Variants in MTCL1 observed in about 807,000 individuals in gnomAD.
MTCL1 encodes microtubule cross-linking factor 1.
In MTCL1, 79 loss-of-function variants were observed where a neutral mutation model predicts 141.4. That is an observed-to-expected ratio of 0.56 (90% CI 0.47 to 0.67). The LOEUF (loss-of-function observed/expected upper bound fraction) is 0.67, where lower values mean the gene tolerates loss of function less well. Ranked by LOEUF, MTCL1 falls within the 30% of genes least tolerant of loss-of-function variation. The pLI is 0.00. For missense variants in MTCL1, 2,177 were observed against 2,113.9 expected (o/e 1.03, Z -0.59); for synonymous variants, 914 against 875.8 (o/e 1.04, Z -0.77).
intron 10 of MTCL1, among the ~76,000 whole-genome samples, chr18:8,805,969 A>C (rs2076284111): frequency 6.6e-6 from 1 of 152,308 alleles, no homozygotes; most frequent in South Asian, 2.1e-4. Context: ...ATTTGACTTC[A>C]AAGGGCTGGG....
chr18:8,806,306 TA>T (rs2076294575), intron 10 of MTCL1, among the ~76,000 whole-genome samples: 1 of 152,198 alleles, frequency 6.6e-6, no homozygotes, highest in Admixed American at 6.5e-5. Flanking sequence ...GACCTTTTAG[TA>T]ACCACCAATC....
intron 11 of MTCL1, among the ~76,000 whole-genome samples, chr18:8,807,495 C>T (rs886954694): frequency 1.3e-5 from 2 of 152,166 alleles, no homozygotes; most frequent in Admixed American, 1.3e-4. Context: ...GGAGACCTCC[C>T]ACTGCATGCC....
At chr18:8,761,000 G>T (rs557047526) in intron 4 of MTCL1, among the ~76,000 whole-genome samples, 1 of 152,182 alleles carries the variant, frequency 6.6e-6, no homozygotes, top group Non-Finnish European at 1.5e-5. Context: ...AATTTTAAAT[G>T]TGTGTCACCA....
intron 13 of MTCL1, 70 bp downstream of exon 12, chr18:8,819,329 A>T (rs1430750542): frequency 6.6e-7 from 1 of 1,521,580 alleles, no homozygotes; most frequent in Non-Finnish European, 8.9e-7. Flanking sequence ...CCTAAGAGGC[A>T]TCTGCCAGAT....
chr18:8,726,099 G>A (rs935408005), intron 4 of MTCL1, among the ~76,000 whole-genome samples: 33 of 136,454 alleles, frequency 2.4e-4, no homozygotes, highest in African/African-American at 5.7e-4. Context: ...TCTTGATACC[G>A]TATTTTTAAG....
At chr18:8,762,638 G>A (rs1178089037) in intron 4 of MTCL1, among the ~76,000 whole-genome samples, 1 of 152,254 alleles carries the variant, frequency 6.6e-6, no homozygotes, top group Non-Finnish European at 1.5e-5. Flanking sequence ...TTCCACCCTT[G>A]AGGACAGAGC....
In MTCL1 at chr18:8,788,936, C is replaced by T. The variant is rs181849069; in HGVS notation, c.1887+2845C>T. Among the ~76,000 whole-genome samples, 27 of 152,352 alleles carry T rather than the reference C, an allele frequency of 1.8e-4. No individual in the cohort carries two copies. The East Asian group carries it at 3.5e-3, about 20-fold the overall frequency. ...TGCACTGGACTCTTCCCTGACTTCA[C>T]TCCCTGGGGTTCCCATCAAATGTGA... On this transcript the variant is annotated intron_variant, in intron 7 of 16. Coordinates refer to ENST00000359865, the Ensembl canonical transcript of MTCL1.
intron 11 of MTCL1, chr18:8,809,374 A>T: frequency 1.3e-6 from 2 of 1,503,844 alleles, no homozygotes; most frequent in Non-Finnish European, 1.8e-6. Flanking sequence ...AACAGAAATC[A>T]CGGATCTTTT....
chr18:8,769,723 A>C (rs1485090161), intron 4 of MTCL1, among the ~76,000 whole-genome samples: 1 of 152,106 alleles, frequency 6.6e-6, no homozygotes, highest in African/African-American at 2.4e-5. Flanking sequence ...AAACTCTTTG[A>C]CTTGGATGCT....
In MTCL1 at chr18:8,722,760, C is replaced by G. The variant is rs57761905; in HGVS notation, c.357+2264C>G. Among the ~76,000 whole-genome samples the G allele has an allele frequency of 8.6e-3, 1,305 of 151,856 alleles. 24 individuals carry two copies. Among genetic ancestry groups the G allele is most frequent in the African/African-American group, 0.03 (1,252 of 41,386 alleles). Reference sequence around the variant, plus strand: ...TGAGTATAAGTGGACTTTCACAGTTCAAAAGTATGTTGTTCAAGAGTCAAC... The same window carrying G: ...TGAGTATAAGTGGACTTTCACAGTTGAAAAGTATGTTGTTCAAGAGTCAAC... On this transcript the variant is annotated intron_variant, in intron 4 of 16. Coordinates refer to ENST00000359865, the Ensembl canonical transcript of MTCL1.
chr18:8,784,502 C>A, exon 6 of MTCL1: 2 of 1,593,016 alleles, frequency 1.3e-6, no homozygotes, highest in Non-Finnish European at 1.7e-6. Context: ...GGCCCAGCGG[C>A]TAGAGCGGAC....
At chr18:8,731,043 A>G (rs1219668455) in intron 4 of MTCL1, among the ~76,000 whole-genome samples, 1 of 152,082 alleles carries the variant, frequency 6.6e-6, no homozygotes, top group Non-Finnish European at 1.5e-5. Flanking sequence ...CAGGAGATCA[A>G]GACCATCCTG....
intron 4 of MTCL1, among the ~76,000 whole-genome samples, chr18:8,760,200 C>T (rs528733740): frequency 6.6e-6 from 1 of 152,266 alleles, no homozygotes; most frequent in East Asian, 1.9e-4. Flanking sequence ...CTTGTAAGTC[C>T]CTTCTCCGAG....
At position 8,828,877 on chromosome 18, in the gene MTCL1, T is replaced by C. The variant is rs1568119812; in HGVS notation, c.4723-31T>C. ...AAAAACACTTTCCAACCTTCTTGCTTTTCTTTTCTTTCTCTGTCTGTTCTG... is the reference window on the plus strand; with the variant it reads ...AAAAACACTTTCCAACCTTCTTGCTCTTCTTTTCTTTCTCTGTCTGTTCTG... On this transcript the variant is annotated intron_variant, in intron 15 of 16. Transcript: ENST00000359865. The surrounding 1 kb of genome is among the most constrained non-coding windows in gnomAD (Gnocchi z 5.2). 2.5e-6 allele frequency: 4 copies of C among 1,600,682 alleles called. No homozygotes were observed. The highest frequency in any genetic ancestry group is 3.4e-6 in the Non-Finnish European group (4 of 1,179,624).
At chr18:8,825,517 G>A in exon 15 of MTCL1, 1 of 1,612,258 alleles carries the variant, frequency 6.2e-7, no homozygotes, top group Non-Finnish European at 8.5e-7. Context: ...GCCCTGCGTG[G>A]CAGCGGTGTC....
At chr18:8,793,630 G>C (rs968444652) in intron 8 of MTCL1, among the ~76,000 whole-genome samples, 1 of 152,172 alleles carries the variant, frequency 6.6e-6, no homozygotes. Flanking sequence ...GTTCCGAGTA[G>C]AAGGGATTTG....
intron 4 of MTCL1, among the ~76,000 whole-genome samples, chr18:8,764,253 C>A (rs1022761364): frequency 5.9e-5 from 9 of 151,480 alleles, no homozygotes; most frequent in Admixed American, 5.3e-4. Flanking sequence ...ATGGTTATCA[C>A]TTGTTAAGCA....
Position 8,785,940 on chromosome 18 carries a change from G to A in MTCL1, c.1736G>A (p.Arg579Lys), listed in dbSNP as rs1271142796. The A allele has an allele frequency of 3.7e-6, 6 of 1,600,172 alleles. No homozygotes were observed. In the East Asian group the frequency reaches 6.7e-5, roughly 18 times the overall value. Residue 579 changes from arginine to lysine, a missense_variant, in exon 7 of 17, where the codon AGA (arginine) becomes AAA (lysine). By Grantham distance (26) the Arg-to-Lys change is conservative. Transcript: ENST00000359865. ...TTCCTCCCGTGCACCTAACAGTCCA[G>A]ACTGAAAGAGCAGCTGGAGTGGCAG...
exon 17 of MTCL1, chr18:8,831,743 C>A (rs1170738046): frequency 1.3e-6 from 2 of 1,550,480 alleles, no homozygotes; most frequent in Admixed American, 3.9e-5. Context: ...CCCGGAGACC[C>A]GACGTCCTTG....
Sources: allele counts gnomAD v4.1 joint callset (sites outside exome capture counted in the v4.1 genomes callset), GRCh38; gene constraint gnomAD v4.1.1; non-coding constraint Gnocchi (gnomAD v3.1); transcripts MANE v1.5; gene names NCBI Gene and HGNC (gene_info 2026-07-23, HGNC 2026-07-21).